UNC5D: variants seen among roughly 807,000 people sequenced by gnomAD.
UNC5D encodes unc-5 netrin receptor D.
In UNC5D, 39 loss-of-function variants were observed where a neutral mutation model predicts 105.4. The observed-to-expected ratio is 0.37, with a 90% confidence interval of 0.29 to 0.48. The LOEUF is 0.48. Ranked by LOEUF, UNC5D falls within the 20% of genes least tolerant of loss-of-function variation. The pLI, the probability that UNC5D is intolerant of heterozygous loss-of-function variation, is 0.98. For synonymous variants in UNC5D, 452 were observed against 450.4 expected, an observed-to-expected ratio of 1.00 and a Z score of -0.04; for missense variants, 991 against 1,202.4, an observed-to-expected ratio of 0.82 and a Z score of 2.60.
In UNC5D at chr8:35,774,327, C is replaced by G; in HGVS notation, c.2507C>G (p.Ala836Gly). The change falls in exon 16 of 17, where the codon GCA (alanine) becomes GGA (glycine). Residue 836 changes from alanine to glycine, a missense_variant. Physicochemically the swap from Ala to Gly is moderately conservative, Grantham distance 60. Around this residue, in one of 3 missense-constraint regions of UNC5D, gnomAD observed 944 missense variants for 1,131.6 expected, o/e 0.83. Coordinates refer to ENST00000404895, the MANE Select transcript of UNC5D (RefSeq NM_080872.4). ...GAACGAGAAACCATCACTTTCTTCG[C>G]ACAAGAGGACAGCACTTTCCCTGCA... is the stretch of plus-strand genomic sequence containing the variant. ...ESERETITFF[A>G]QEDSTFPAQT... 6.2e-7 allele frequency: 1 copy of G among 1,614,030 alleles called. No individual in the cohort carries two copies. The highest frequency in any genetic ancestry group is 8.5e-7 in the Non-Finnish European group (1 of 1,179,960).
At chr8:35,392,572 A>G (rs1803842545) in intron 1 of UNC5D, among the ~76,000 whole-genome samples, 1 of 152,176 alleles carries the variant, frequency 6.6e-6, no homozygotes, top group Non-Finnish European at 1.5e-5. Flanking sequence ...CATTCTTCGC[A>G]AAGTTACACC....
chr8:35,389,439 A>T (rs1463330019), intron 1 of UNC5D, among the ~76,000 whole-genome samples: 1 of 152,194 alleles, frequency 6.6e-6, no homozygotes, highest in African/African-American at 2.4e-5. Context: ...CCACACTTTG[A>T]GTAACAGAGA....
At chr8:35,648,846 C>A (rs1008218618) in intron 4 of UNC5D, among the ~76,000 whole-genome samples, 1 of 152,030 alleles carries the variant, frequency 6.6e-6, no homozygotes, top group African/African-American at 2.4e-5. Flanking sequence ...TTCATTACAC[C>A]AGGGTATGAT....
At chr8:35,555,794 C>A (rs1360157013) in intron 2 of UNC5D, among the ~76,000 whole-genome samples, 1 of 151,230 alleles carries the variant, frequency 6.6e-6, no homozygotes, top group South Asian at 2.1e-4. Context: ...CCACTGTACT[C>A]CAGCCTGCCA....
intron 8 of UNC5D, among the ~76,000 whole-genome samples, chr8:35,715,460 ACTT>A (rs1828205084): frequency 6.6e-6 from 1 of 152,192 alleles, no homozygotes; most frequent in Non-Finnish European, 1.5e-5. Context: ...TATATGTATT[ACTT>A]CTATTTGTTC....
At chr8:35,403,303 T>C (rs1804590205) in intron 1 of UNC5D, among the ~76,000 whole-genome samples, 1 of 152,194 alleles carries the variant, frequency 6.6e-6, no homozygotes, top group South Asian at 2.1e-4. Flanking sequence ...TGTTGCTACC[T>C]ACTGTGGCAG....
In UNC5D at chr8:35,796,111, A is replaced by AAAAAT. The variant is rs1313099637; in HGVS notation, c.*5562_*5566dup. ...CTTTTATTTGATGTGTTCAAAGCCAAAAAATAAAATAAAATAAAGCAGGGC... is the reference window on the plus strand; with the variant it reads ...CTTTTATTTGATGTGTTCAAAGCCAAAAAATAAAATAAAATAAAATAAAGCAGGGC... On this transcript the variant is annotated 3_prime_UTR_variant, in exon 17 of 17. Transcript: ENST00000404895. 6.6e-6 allele frequency: 1 copy of AAAAAT among 152,186 alleles called. No homozygotes were observed. The highest frequency in any genetic ancestry group is 2.4e-5 in the African/African-American group (1 of 41,446). The allele number at this position is 152,186 out of a possible 1,614,324, so 9.4% of individuals were successfully genotyped here.
intron 1 of UNC5D, among the ~76,000 whole-genome samples, chr8:35,543,543 T>A (rs1353151871): frequency 6.6e-6 from 1 of 152,234 alleles, no homozygotes; most frequent in African/African-American, 2.4e-5. Context: ...GTTCACCACG[T>A]CCTTATATTT....
At position 35,297,365 on chromosome 8, in the gene UNC5D, A is replaced by T. The variant is rs181692285; in HGVS notation, c.103+61478A>T. 2.0e-3 allele frequency among the ~76,000 whole-genome samples: 300 copies of T among 152,334 alleles called. 2 individuals are homozygous for T. Among genetic ancestry groups the T allele is most frequent in the Middle Eastern group, 6.8e-3 (2 of 294 alleles). ...AATAAATTACAGGCATCTACATATC[A>T]GAAAATATTTGAGTAGAAGGGTGAA... On this transcript the variant is annotated intron_variant, in intron 1 of 16. Coordinates refer to ENST00000404895, the MANE Select transcript of UNC5D (RefSeq NM_080872.4).
At chr8:35,560,989 C>A (rs3899662) in intron 2 of UNC5D, among the ~76,000 whole-genome samples, 15,968 of 152,148 alleles carry the variant, frequency 0.1, 1,151 homozygotes, top group East Asian at 0.24. Context: ...TGCCCTGGTC[C>A]CTTGTTTATG....
At chr8:35,788,139 C>A (rs1802834552) in intron 16 of UNC5D, among the ~76,000 whole-genome samples, 1 of 152,070 alleles carries the variant, frequency 6.6e-6, no homozygotes. Context: ...TAAACAGGAT[C>A]TTAAGACCTT....
intron 2 of UNC5D, among the ~76,000 whole-genome samples, chr8:35,563,187 T>C (rs1347322445): frequency 1.3e-5 from 2 of 151,990 alleles, no homozygotes; most frequent in African/African-American, 2.4e-5. Context: ...ATCTGTACAT[T>C]GCTTTGTGTA....
At chr8:35,731,500 G>T (rs1449340976) in intron 11 of UNC5D, among the ~76,000 whole-genome samples, 2 of 150,868 alleles carry the variant, frequency 1.3e-5, no homozygotes, top group South Asian at 4.2e-4. Context: ...ACTTAGAGGT[G>T]TATAGATAGA....
intron 1 of UNC5D, among the ~76,000 whole-genome samples, chr8:35,286,880 A>G (rs1806639324): frequency 6.6e-6 from 1 of 152,204 alleles, no homozygotes; most frequent in Non-Finnish European, 1.5e-5. Flanking sequence ...GCCCAACTAC[A>G]GGTTCCAAAC....
chr8:35,451,938 C>T (rs1808178777), intron 1 of UNC5D, among the ~76,000 whole-genome samples: 1 of 152,168 alleles, frequency 6.6e-6, no homozygotes, highest in Non-Finnish European at 1.5e-5. Context: ...AAGCCCCTAA[C>T]ACTTCCTCTG....
intron 4 of UNC5D, among the ~76,000 whole-genome samples, chr8:35,658,776 G>A (rs71513767): frequency 0.16 from 23,728 of 151,312 alleles, 2,109 homozygotes; most frequent in South Asian, 0.26. Flanking sequence ...CTCAGCCTCC[G>A]GAGTAGCTGG....
At position 35,783,985 on chromosome 8, in the gene UNC5D, A is replaced by T. The variant is rs184081663; in HGVS notation, c.2658-6374A>T. ...GATGTATTCTGAAAATTAAGATTCT[A>T]TAAAAAAATTTGCTTTTTAACTCAT... is the stretch of plus-strand genomic sequence containing the variant. On this transcript the variant is annotated intron_variant, in intron 16 of 16. Transcript: ENST00000404895. Among the ~76,000 whole-genome samples the T allele has an allele frequency of 1.9e-4, 29 of 152,286 alleles. No homozygotes were observed. In the East Asian group the frequency reaches 5.6e-3, roughly 29 times the overall value.
intron 1 of UNC5D, among the ~76,000 whole-genome samples, chr8:35,471,743 C>T (rs190299489): frequency 1.3e-5 from 2 of 152,132 alleles, no homozygotes; most frequent in Admixed American, 1.3e-4. Flanking sequence ...TCTTTGTTTC[C>T]TTTAATGAAT....
intron 4 of UNC5D, among the ~76,000 whole-genome samples, chr8:35,674,369 A>G (rs1825047100): frequency 6.6e-6 from 1 of 152,134 alleles, no homozygotes; most frequent in African/African-American, 2.4e-5. Flanking sequence ...TTATGTCTAT[A>G]TATGTTTATG....
Sources: allele counts gnomAD v4.1 joint callset (sites outside exome capture counted in the v4.1 genomes callset), GRCh38; gene constraint gnomAD v4.1.1; regional missense constraint gnomAD v4.1.1; transcripts MANE v1.5; gene names NCBI Gene and HGNC (gene_info 2026-07-23, HGNC 2026-07-21).